METAP1D: variants seen among roughly 807,000 people sequenced by gnomAD.
METAP1D encodes the protein methionyl aminopeptidase type 1D, mitochondrial, also known as methionine aminopeptidase 1D, mitochondrial.
In METAP1D, 31 loss-of-function variants were observed where a neutral mutation model predicts 40.5. The ratio of observed to expected loss-of-function variants is 0.77; its 90% CI spans 0.58 to 1.03. The LOEUF is 1.03. Ranked by LOEUF, METAP1D falls within the 50% of genes least tolerant of loss-of-function variation. The pLI, the probability that METAP1D is intolerant of heterozygous loss-of-function variation, is 0.00. For missense variants in METAP1D, 411 were observed against 420.7 expected (o/e 0.98, Z 0.20); for synonymous variants, 151 against 146.4 (o/e 1.03, Z -0.22).
At chr2:172,056,323 C>T (rs1690001270) in intron 1 of METAP1D, among the ~76,000 whole-genome samples, 1 of 152,210 alleles carries the variant, frequency 6.6e-6, no homozygotes, top group Non-Finnish European at 1.5e-5. Flanking sequence ...AGCTTGGCAC[C>T]AGTAAGCTCT....
At chr2:172,069,765 ATCTACC>A (rs1268992712) in intron 5 of METAP1D, among the ~76,000 whole-genome samples, 2 of 152,186 alleles carry the variant, frequency 1.3e-5, no homozygotes, top group Non-Finnish European at 2.9e-5. Flanking sequence ...ATTAACCTGA[ATCTACC>A]TCTATATTCT....
chr2:172,014,859 A>G, intron 1 of METAP1D, among the ~76,000 whole-genome samples: 1 of 151,534 alleles, frequency 6.6e-6, no homozygotes. Flanking sequence ...TCACCATGTT[A>G]GCCAGGATGG....
chr2:172,058,199 A>C (rs1424310649), intron 1 of METAP1D, among the ~76,000 whole-genome samples: 1 of 152,164 alleles, frequency 6.6e-6, no homozygotes, highest in Non-Finnish European at 1.5e-5. Context: ...ATGGGATCTC[A>C]CGATCCTCCC....
chr2:172,058,449 A>G (rs1466424478), intron 1 of METAP1D, among the ~76,000 whole-genome samples: 1 of 152,166 alleles, frequency 6.6e-6, no homozygotes, highest in Non-Finnish European at 1.5e-5. Context: ...CCTGTCCCTC[A>G]TATATCAGTT....
In METAP1D at chr2:172,070,938, C is replaced by G; in HGVS notation, c.572C>G (p.Ser191Cys). 6.2e-7 allele frequency: 1 copy of G among 1,612,670 alleles called. No individual in the cohort carries two copies. Among genetic ancestry groups the G allele is most frequent in the Non-Finnish European group, 8.5e-7 (1 of 1,179,016 alleles). ...VYYNGYHGDT[S>C]ETFLVGNVDE... ...TACAATGGCTACCATGGAGACACCT[C>G]TGAAACATTTTTGGTGGGCAATGTG... Residue 191 changes from serine to cysteine, a missense_variant, in exon 6 of 10, where the codon TCT becomes TGT. Coordinates refer to ENST00000315796, the MANE Select transcript of METAP1D (RefSeq NM_199227.3).
intron 1 of METAP1D, among the ~76,000 whole-genome samples, chr2:172,032,302 T>G (rs1437748444): frequency 2.6e-5 from 4 of 152,218 alleles, no homozygotes; most frequent in Non-Finnish European, 4.4e-5. Flanking sequence ...ATCAGTAAAA[T>G]GTTTCTGTTT....
At chr2:172,050,505 A>G (rs970451357) in intron 1 of METAP1D, among the ~76,000 whole-genome samples, 2 of 152,084 alleles carry the variant, frequency 1.3e-5, no homozygotes, top group African/African-American at 4.8e-5. Flanking sequence ...TGTGATTCCT[A>G]TGAAATTGCT....
intron 1 of METAP1D, among the ~76,000 whole-genome samples, chr2:172,001,384 C>A (rs1310192198): frequency 6.6e-6 from 1 of 151,310 alleles, no homozygotes; most frequent in South Asian, 2.1e-4. Context: ...TACTAATATA[C>A]ACAATTAGCT....
At chr2:172,003,652 G>A (rs1688518636) in intron 1 of METAP1D, among the ~76,000 whole-genome samples, 1 of 152,136 alleles carries the variant, frequency 6.6e-6, no homozygotes, top group South Asian at 2.1e-4. Context: ...GGCCTCCCGA[G>A]CCATGCAGAA....
chr2:172,059,817 A>G (rs1690092887), intron 1 of METAP1D, among the ~76,000 whole-genome samples: 1 of 152,138 alleles, frequency 6.6e-6, no homozygotes, highest in Non-Finnish European at 1.5e-5. Context: ...TTGGGAGACC[A>G]AGGCGGGCAG....
At chr2:172,031,884 C>T (rs1378737114) in intron 1 of METAP1D, among the ~76,000 whole-genome samples, 3 of 152,202 alleles carry the variant, frequency 2.0e-5, no homozygotes, top group African/African-American at 4.8e-5. Flanking sequence ...TGTGTTTTGT[C>T]AAAGTGCCTC....
intron 1 of METAP1D, among the ~76,000 whole-genome samples, chr2:172,016,940 G>T (rs1688880956): frequency 6.6e-6 from 1 of 151,856 alleles, no homozygotes; most frequent in Non-Finnish European, 1.5e-5. Flanking sequence ...TTGTTCTTGA[G>T]GTCTTCATCT....
chr2:172,036,084 A>AGAC (rs1689369744), intron 1 of METAP1D, among the ~76,000 whole-genome samples: 1 of 151,936 alleles, frequency 6.6e-6, no homozygotes. Flanking sequence ...TTGGGAGGCC[A>AGAC]AGGTGGGCGG....
intron 1 of METAP1D, among the ~76,000 whole-genome samples, chr2:172,008,841 A>C (rs1352506150): frequency 6.6e-6 from 1 of 152,172 alleles, no homozygotes; most frequent in Non-Finnish European, 1.5e-5. Context: ...CATCTGCTTC[A>C]GGTGATCCTG....
intron 1 of METAP1D, among the ~76,000 whole-genome samples, chr2:172,009,151 C>T (rs1380632053): frequency 6.6e-6 from 1 of 152,126 alleles, no homozygotes; most frequent in Non-Finnish European, 1.5e-5. Flanking sequence ...CGCCATTCTC[C>T]TGCCTCAGCC....
At chr2:172,041,893 C>T (rs1311671810) in intron 1 of METAP1D, among the ~76,000 whole-genome samples, 2 of 116,776 alleles carry the variant, frequency 1.7e-5, no homozygotes, top group Non-Finnish European at 4.0e-5. Context: ...CTCCGCCTCC[C>T]ACATTCAAGC....
At chr2:172,036,634 A>G (rs1416121559) in intron 1 of METAP1D, among the ~76,000 whole-genome samples, 1 of 151,844 alleles carries the variant, frequency 6.6e-6, no homozygotes, top group Non-Finnish European at 1.5e-5. Flanking sequence ...CAAAGTACCG[A>G]GATTACAGGC....
rs1574104798 is a variant in METAP1D, at chr2:172,031,152, A to G, written c.41-30346A>G. Among the ~76,000 whole-genome samples, 5 of 152,220 alleles carry G rather than the reference A, an allele frequency of 3.3e-5. No individual in the cohort carries two copies. In the South Asian group the frequency reaches 8.3e-4, roughly 25 times the overall value. On this transcript the variant is annotated intron_variant, in intron 1 of 9. Transcript: ENST00000315796. ...CCACTGGCCCTAAAATATGTCCCCT[A>G]CAGCCTTCTTGGAACATAAAATGTC...
rs1375480209 is a variant in METAP1D, at chr2:172,081,840, A to T, written c.*1434A>T. ...GGTGGTGTCCTCGGCCAGGACTAAG[A>T]GCCAGCTCATCTTTGTAACATTCAT... On this transcript the variant is annotated 3_prime_UTR_variant, in exon 10 of 10. Coordinates refer to ENST00000315796, the MANE Select transcript of METAP1D (RefSeq NM_199227.3). 6.6e-6 allele frequency: 1 copy of T among 152,188 alleles called. No homozygotes were observed. The highest frequency in any genetic ancestry group is 2.4e-5 in the African/African-American group (1 of 41,418). 9.4% of individuals were successfully genotyped at this position (152,188 alleles called of 1,614,324 possible).
Sources: gnomAD v4.1 joint callset for allele counts (sites outside exome capture counted in the v4.1 genomes callset) on GRCh38, gnomAD v4.1.1 for gene constraint, MANE v1.5 for transcripts, NCBI Gene and HGNC (gene_info 2026-07-23, HGNC 2026-07-21) for gene names.